Variants in PPM1E observed in about 807,000 individuals in gnomAD.
PPM1E encodes protein phosphatase 1E.
PPM1E carries 20 observed loss-of-function variants against 65.9 expected under a neutral mutation model. The observed-to-expected ratio is 0.30, with a 90% CI of 0.21 to 0.44. The LOEUF (loss-of-function observed/expected upper bound fraction) is 0.44, where lower values mean the gene tolerates loss of function less well. Among genes scored for constraint, PPM1E ranks in the 20% least tolerant of loss-of-function variants. The pLI, the probability that PPM1E is intolerant of heterozygous loss-of-function variation, is 1.00. For synonymous variants in PPM1E, 352 were observed against 374.9 expected (o/e 0.94, Z 0.70); for missense variants, 713 against 953.1 (o/e 0.75, Z 3.32).
At chr17:58,770,934 G>GCAGCCTC (rs2049931576) in intron 1 of PPM1E, among the ~76,000 whole-genome samples, 1 of 151,136 alleles carries the variant, frequency 6.6e-6, no homozygotes, top group African/African-American at 2.4e-5. Flanking sequence ...TCGGCACGCT[G>GCAGCCTC]CAGCCTCCGC....
chr17:58,832,925 T>C (rs1354111001), intron 1 of PPM1E, among the ~76,000 whole-genome samples: 1 of 152,182 alleles, frequency 6.6e-6, no homozygotes, highest in East Asian at 1.9e-4. Context: ...CGATTCTCCT[T>C]CCTCAGCCAT....
At chr17:58,860,305 C>A (rs1317272834) in intron 1 of PPM1E, among the ~76,000 whole-genome samples, 1 of 152,150 alleles carries the variant, frequency 6.6e-6, no homozygotes, top group Non-Finnish European at 1.5e-5. Flanking sequence ...GGATTGGTGT[C>A]ACACAGCCAA....
At chr17:58,923,248 A>C (rs1293627922) in intron 1 of PPM1E, among the ~76,000 whole-genome samples, 1 of 146,880 alleles carries the variant, frequency 6.8e-6, no homozygotes, top group Non-Finnish European at 1.5e-5. Context: ...TTGCACCACT[A>C]TACTCCTATC....
intron 1 of PPM1E, among the ~76,000 whole-genome samples, chr17:58,823,709 C>T (rs954107471): frequency 3.9e-5 from 6 of 151,944 alleles, no homozygotes; most frequent in Non-Finnish European, 7.4e-5. Flanking sequence ...TAAATATGGA[C>T]GAGGTGCAGA....
intron 1 of PPM1E, among the ~76,000 whole-genome samples, chr17:58,925,576 G>C (rs2051814365): frequency 6.6e-6 from 1 of 151,998 alleles, no homozygotes; most frequent in Non-Finnish European, 1.5e-5. Context: ...GAGTAGCTGG[G>C]ACTACAGGCG....
chr17:58,761,847 G>T (rs1434737565), intron 1 of PPM1E, among the ~76,000 whole-genome samples: 1 of 152,158 alleles, frequency 6.6e-6, no homozygotes, highest in Non-Finnish European at 1.5e-5. Flanking sequence ...CTAGACCAGA[G>T]GTCTCCAAAG....
intron 1 of PPM1E, among the ~76,000 whole-genome samples, chr17:58,765,200 A>G: frequency 7.1e-6 from 1 of 140,066 alleles, no homozygotes; most frequent in African/African-American, 2.7e-5. Flanking sequence ...TTTTTTTGAG[A>G]CAGGGTCTCG....
chr17:58,893,239 C>A (rs567700577), intron 1 of PPM1E, among the ~76,000 whole-genome samples: 1 of 152,014 alleles, frequency 6.6e-6, no homozygotes, highest in Non-Finnish European at 1.5e-5. Context: ...GATAAACAAA[C>A]GGTGGTGCAT....
intron 1 of PPM1E, among the ~76,000 whole-genome samples, chr17:58,921,532 C>A (rs2051750421): frequency 6.6e-6 from 1 of 150,984 alleles, no homozygotes; most frequent in South Asian, 2.1e-4. Context: ...AACAAACAAA[C>A]AAACAAACAA....
At chr17:58,913,423 A>G (rs1480810886) in intron 1 of PPM1E, among the ~76,000 whole-genome samples, 1 of 152,208 alleles carries the variant, frequency 6.6e-6, no homozygotes, top group Non-Finnish European at 1.5e-5. Flanking sequence ...TTTTAGATGT[A>G]CAGGAAAGCT....
At chr17:58,844,686 T>C (rs2050754353) in intron 1 of PPM1E, among the ~76,000 whole-genome samples, 1 of 152,238 alleles carries the variant, frequency 6.6e-6, no homozygotes, top group Non-Finnish European at 1.5e-5. Context: ...TATTTCACTG[T>C]TGAGTCTTCT....
chr17:58,909,342 G>A (rs534565059), intron 1 of PPM1E, among the ~76,000 whole-genome samples: 5 of 151,966 alleles, frequency 3.3e-5, no homozygotes, highest in Non-Finnish European at 2.9e-5. Context: ...ACCATAACCT[G>A]AACTCCTGGG....
intron 1 of PPM1E, among the ~76,000 whole-genome samples, chr17:58,854,390 A>G (rs910972107): frequency 5.9e-5 from 9 of 152,146 alleles, no homozygotes; most frequent in African/African-American, 1.7e-4. Flanking sequence ...GCCAATTTGG[A>G]TGGCTTTTAC....
intron 1 of PPM1E, among the ~76,000 whole-genome samples, chr17:58,774,514 A>G (rs1044228468): frequency 2.6e-5 from 4 of 152,192 alleles, no homozygotes; most frequent in African/African-American, 9.6e-5. Context: ...GACTAAGAAA[A>G]GACATATTGG....
At chr17:58,778,390 G>A (rs947159196) in intron 1 of PPM1E, among the ~76,000 whole-genome samples, 1 of 145,738 alleles carries the variant, frequency 6.9e-6, no homozygotes, top group Admixed American at 7.0e-5. Flanking sequence ...ATCAGCCACT[G>A]TGGCTGGCCA....
chr17:58,774,895 C>T (rs2049978630), intron 1 of PPM1E, among the ~76,000 whole-genome samples: 1 of 151,798 alleles, frequency 6.6e-6, no homozygotes, highest in Non-Finnish European at 1.5e-5. Flanking sequence ...CCTCTGTCTC[C>T]AGGCTGGAGT....
chr17:58,840,007 C>G (rs1188751518), intron 1 of PPM1E, among the ~76,000 whole-genome samples: 2 of 152,196 alleles, frequency 1.3e-5, no homozygotes, highest in Non-Finnish European at 2.9e-5. Flanking sequence ...ACTCACAGAA[C>G]TCACTGAAAG....
chr17:58,956,763 A>C (rs188053886), intron 2 of PPM1E, among the ~76,000 whole-genome samples: 1 of 152,354 alleles, frequency 6.6e-6, no homozygotes, highest in African/African-American at 2.4e-5. Context: ...ATTGTTAAGA[A>C]ATTTTAATAT....
In PPM1E at chr17:58,956,463, A is replaced by C. The variant is rs574104215; in HGVS notation, c.583+696A>C. 2.5e-3 allele frequency among the ~76,000 whole-genome samples: 375 copies of C among 152,146 alleles called. 2 individuals carry two copies. The highest frequency in any genetic ancestry group is 3.8e-3 in the Non-Finnish European group (260 of 67,980). On this transcript the variant is annotated intron_variant, in intron 2 of 6. Coordinates refer to ENST00000308249, the MANE Select transcript of PPM1E (RefSeq NM_014906.5). ...AAAAAAACAAAAAACAAAAAACAAA[A>C]AAAAAAACCTTAACTTTGTATCAAG...
Sources: gnomAD v4.1 joint callset for allele counts (sites outside exome capture counted in the v4.1 genomes callset) on GRCh38, gnomAD v4.1.1 for gene constraint, MANE v1.5 for transcripts, NCBI Gene and HGNC (gene_info 2026-07-23, HGNC 2026-07-21) for gene names.